FAM81B: variants seen among roughly 807,000 people sequenced by gnomAD.
The protein encoded by FAM81B is protein FAM81B.
FAM81B carries 60 observed loss-of-function variants against 58.7 expected under a neutral mutation model. The observed-to-expected ratio is 1.02, with a 90% confidence interval of 0.83 to 1.27. The LOEUF is 1.27. FAM81B is among the 50% of genes most tolerant of loss of function. The probability of loss-of-function intolerance (pLI) is 0.00; values close to 1 mark genes in which losing one functional copy is unlikely to be tolerated. For synonymous variants in FAM81B, 189 were observed against 179.6 expected, an observed-to-expected ratio of 1.05 and a Z score of -0.42; for missense variants, 491 against 522.0, an observed-to-expected ratio of 0.94 and a Z score of 0.58.
At chr5:95,438,408 G>C (rs1185185252) in intron 7 of FAM81B, among the ~76,000 whole-genome samples, 2 of 152,140 alleles carry the variant, frequency 1.3e-5, no homozygotes, top group African/African-American at 4.8e-5. Context: ...GAAATGGAAG[G>C]CTGACTTAAA....
intron 3 of FAM81B, among the ~76,000 whole-genome samples, chr5:95,399,734 G>A (rs2152760796): frequency 6.6e-6 from 1 of 152,280 alleles, no homozygotes; most frequent in Admixed American, 6.5e-5. Context: ...CCAACCTCTG[G>A]GCCTCTGAGA....
At chr5:95,432,508 T>G (rs1744942405) in intron 6 of FAM81B, among the ~76,000 whole-genome samples, 1 of 152,112 alleles carries the variant, frequency 6.6e-6, no homozygotes, top group Non-Finnish European at 1.5e-5. Context: ...AGCCTGATGA[T>G]TTGATGGGGA....
At chr5:95,412,155 A>T (rs1232908782) in intron 3 of FAM81B, among the ~76,000 whole-genome samples, 1 of 146,266 alleles carries the variant, frequency 6.8e-6, no homozygotes, top group African/African-American at 2.5e-5. Context: ...TTTTTTTTTT[A>T]AGACATGACT....
intron 3 of FAM81B, among the ~76,000 whole-genome samples, chr5:95,402,160 C>G (rs1762130837): frequency 6.6e-6 from 1 of 152,212 alleles, no homozygotes; most frequent in African/African-American, 2.4e-5. Context: ...CAGTTTTTAT[C>G]CCTTAGGAAT....
chr5:95,440,400 G>A, intron 7 of FAM81B: 1 of 680,760 alleles, frequency 1.5e-6, no homozygotes, highest in South Asian at 1.4e-5. Context: ...TCAATGTCAT[G>A]ACGATTACCT....
chr5:95,445,082 T>C (rs1263668041), intron 7 of FAM81B, among the ~76,000 whole-genome samples: 2 of 152,152 alleles, frequency 1.3e-5, no homozygotes, highest in Admixed American at 6.5e-5. Flanking sequence ...TTCACAGAAC[T>C]TGTATTTTCT....
rs79831716 is a variant in FAM81B at position 95,421,489 on chromosome 5, G to C, written c.656+1087G>C. ...ATTTTGGTTATGGTATTTTGGAGAA[G>C]GCATTTTGAGAAAGTTGGGACAGGA... On this transcript the variant is annotated intron_variant, in intron 5 of 9. Transcript: ENST00000283357. 4.3e-3 allele frequency among the ~76,000 whole-genome samples: 651 copies of C among 152,306 alleles called. 3 individuals are homozygous for C. The highest frequency in any genetic ancestry group is 0.012 in the South Asian group (59 of 4,826).
At chr5:95,421,117 G>A (rs1037761961) in intron 5 of FAM81B, among the ~76,000 whole-genome samples, 1 of 152,176 alleles carries the variant, frequency 6.6e-6, no homozygotes, top group African/African-American at 2.4e-5. Context: ...CAACAAAAAT[G>A]TATTAAGCAC....
At chr5:95,421,266 G>T (rs1265901097) in intron 5 of FAM81B, among the ~76,000 whole-genome samples, 1 of 152,198 alleles carries the variant, frequency 6.6e-6, no homozygotes, top group African/African-American at 2.4e-5. Context: ...GGGATGCTAT[G>T]GAAATGTCCA....
At chr5:95,437,629 G>A (rs1373094282) in intron 7 of FAM81B, among the ~76,000 whole-genome samples, 1 of 152,188 alleles carries the variant, frequency 6.6e-6, no homozygotes, top group Non-Finnish European at 1.5e-5. Context: ...GAGCCACTGT[G>A]TCCGGCCTAC....
At chr5:95,433,796 G>A (rs1323731149) in intron 6 of FAM81B, among the ~76,000 whole-genome samples, 1 of 152,138 alleles carries the variant, frequency 6.6e-6, no homozygotes, top group East Asian at 1.9e-4. Context: ...CTTGGATTGA[G>A]AGGTGAATTA....
chr5:95,397,250 C>T (rs556513003), intron 3 of FAM81B, among the ~76,000 whole-genome samples: 3 of 151,948 alleles, frequency 2.0e-5, no homozygotes, highest in Non-Finnish European at 4.4e-5. Context: ...GTTTATATGA[C>T]TATGAGTCTA....
intron 3 of FAM81B, among the ~76,000 whole-genome samples, chr5:95,406,906 T>G (rs942938951): frequency 6.6e-6 from 1 of 152,148 alleles, no homozygotes; most frequent in Non-Finnish European, 1.5e-5. Context: ...CCGATTTACT[T>G]TAGCTCCCAT....
chr5:95,426,406 G>A (rs1028324317), intron 5 of FAM81B, among the ~76,000 whole-genome samples: 3 of 152,070 alleles, frequency 2.0e-5, no homozygotes, highest in African/African-American at 4.8e-5. Context: ...TAGGCTAGTG[G>A]GTGGTGGTTA....
At chr5:95,440,149 A>G (rs1289137092) in intron 7 of FAM81B, 1 of 578,246 alleles carries the variant, frequency 1.7e-6, no homozygotes, top group Admixed American at 2.1e-5. Flanking sequence ...AGTTCTTTGA[A>G]AAGTGTCTCA....
chr5:95,398,375 T>C (rs2152760508), intron 3 of FAM81B, among the ~76,000 whole-genome samples: 1 of 152,026 alleles, frequency 6.6e-6, no homozygotes, highest in Non-Finnish European at 1.5e-5. Context: ...ATGGAGAGTG[T>C]ACCACTGCAC....
At chr5:95,443,137 A>G (rs1745430236) in intron 7 of FAM81B, among the ~76,000 whole-genome samples, 1 of 152,196 alleles carries the variant, frequency 6.6e-6, no homozygotes, top group Non-Finnish European at 1.5e-5. Flanking sequence ...GGCCTAGGAT[A>G]GAGCTACATC....
At chr5:95,449,674 T>C (rs746325892) in intron 9 of FAM81B, among the ~76,000 whole-genome samples, 1 of 152,128 alleles carries the variant, frequency 6.6e-6, no homozygotes, top group Non-Finnish European at 1.5e-5. Flanking sequence ...TGACTAGACA[T>C]GCATAAGAGA....
At chr5:95,421,911 T>A (rs146294680) in intron 5 of FAM81B, among the ~76,000 whole-genome samples, 15 of 152,344 alleles carry the variant, frequency 9.8e-5, no homozygotes, top group African/African-American at 3.6e-4. Context: ...GGTTGAATAC[T>A]CATGTCATGC....
Sources: gnomAD v4.1 joint callset for allele counts (sites outside exome capture counted in the v4.1 genomes callset) on GRCh38, gnomAD v4.1.1 for gene constraint, MANE v1.5 for transcripts, NCBI Gene and HGNC (gene_info 2026-07-23, HGNC 2026-07-21) for gene names.